The following TOR1A variants were observed in gnomAD, a reference collection of about 807,000 sequenced individuals.
TOR1A encodes torsin family 1 member A.
TOR1A carries 18 observed loss-of-function variants against 31.4 expected under a neutral mutation model. That is an observed-to-expected ratio of 0.57 (90% confidence interval 0.40 to 0.85). The LOEUF (loss-of-function observed/expected upper bound fraction) is 0.85. TOR1A is among the 40% of genes least tolerant of loss of function. The pLI, the probability that TOR1A is intolerant of heterozygous loss-of-function variation, is 0.00. For synonymous variants in TOR1A, 168 were observed against 165.9 expected, an observed-to-expected ratio of 1.01 and a Z score of -0.10; for missense variants, 375 against 416.4, an observed-to-expected ratio of 0.90 and a Z score of 0.87.
intron 4 of TOR1A, among the ~76,000 whole-genome samples, chr9:129,817,441 C>A (rs1366712033): frequency 1.3e-5 from 2 of 152,174 alleles, no homozygotes; most frequent in Non-Finnish European, 2.9e-5. Flanking sequence ...TGGCTCACGC[C>A]TGTAATCCCA....
chr9:129,814,688 AGAGGTCCT>A (rs1307263035), intron 4 of TOR1A, among the ~76,000 whole-genome samples: 2 of 151,514 alleles, frequency 1.3e-5, no homozygotes, highest in African/African-American at 4.9e-5. Context: ...AAGATGGGAA[AGAGGTCCT>A]GGGGCCCAGG....
rs2031216095 is a variant in TOR1A at position 129,822,736 on chromosome 9, T to A, written c.289A>T (p.Thr97Ser). The change falls in exon 2 of 5, where the codon ACG (threonine) becomes TCG (serine). Residue 97 changes from threonine to serine, a missense_variant. Coordinates refer to ENST00000351698, the MANE Select transcript of TOR1A (RefSeq NM_000113.3). Reference sequence around the variant, plus strand: ...CCTGTCCACCCGTGCAGGGAGAGCGTGAGAGGTTTCTTGGGCTTTGGGTTG... The same window carrying A: ...CCTGTCCACCCGTGCAGGGAGAGCGAGAGAGGTTTCTTGGGCTTTGGGTTG... ...INNPKPKKPL[T>S]LSLHGWTGTG... The A allele has an allele frequency of 3.1e-6, 5 of 1,614,068 alleles. No individual in the cohort carries two copies. Among genetic ancestry groups the A allele is most frequent in the Non-Finnish European group, 4.2e-6 (5 of 1,180,034 alleles).
rs1368336202 is a variant in TOR1A, at chr9:129,818,590, C to T, written c.678G>A (p.Lys226=). 1 of 1,614,238 alleles carries T rather than the reference C, an allele frequency of 6.2e-7. No homozygotes were observed. The highest frequency in any genetic ancestry group is 1.6e-4 in the Middle Eastern group (1 of 6,062). Reference sequence around the variant, plus strand: ...CTTTGAGCTTGATGTCTTCCCTCTGCTTTCCACTCCTCCAGAAATCCAAAG... The same window carrying T: ...CTTTGAGCTTGATGTCTTCCCTCTGTTTTCCACTCCTCCAGAAATCCAAAG... ...DVALDFWRSG[K]QREDIKLKDI... is the part of the protein sequence containing the mutation. The change falls in exon 4 of 5, where the codon AAG becomes AAA. Residue 226 remains lysine (K), a synonymous_variant. Coordinates refer to ENST00000351698, the MANE Select transcript of TOR1A (RefSeq NM_000113.3).
intron 4 of TOR1A, 146 bp from the exon 5 acceptor site, chr9:129,814,368 G>A (rs1392391120): frequency 1.5e-5 from 19 of 1,227,268 alleles, no homozygotes; most frequent in Non-Finnish European, 2.2e-5. Context: ...CCTACTGGGG[G>A]TCACCCACCC....
intron 2 of TOR1A, among the ~76,000 whole-genome samples, chr9:129,820,873 A>G (rs1397790981): frequency 6.6e-6 from 1 of 152,234 alleles, no homozygotes; most frequent in African/African-American, 2.4e-5. Flanking sequence ...TGCTAGAATT[A>G]TAGGCATGAG....
chr9:129,818,355 G>T, intron 4 of TOR1A, 165 bp downstream of exon 4: 1 of 1,036,620 alleles, frequency 9.6e-7, no homozygotes, highest in Non-Finnish European at 1.5e-6. Context: ...AAAGTTACCT[G>T]GAGTTCATCA....
Position 129,814,402 on chromosome 9 carries a change from T to C in TOR1A, c.749-180A>G, listed in dbSNP as rs1588214968. ...CCACCCCCCCCACATCTACTAGGGG[T>C]CACCCACCCTCCCATCCATCCCATA... On this transcript the variant is annotated intron_variant, in intron 4 of 4. Coordinates refer to ENST00000351698, the MANE Select transcript of TOR1A (RefSeq NM_000113.3). 7.0e-5 allele frequency among the ~76,000 whole-genome samples: 4 copies of C among 57,378 alleles called. 1 individual carries two copies. In the South Asian group the frequency reaches 2.9e-3, roughly 42 times the overall value. The allele number at this position is 57,378 out of a possible 152,430, so 37.6% of individuals were successfully genotyped here.
intron 4 of TOR1A, among the ~76,000 whole-genome samples, chr9:129,817,332 T>C (rs2031064541): frequency 6.6e-6 from 1 of 152,172 alleles, no homozygotes; most frequent in Admixed American, 6.5e-5. Flanking sequence ...TCTCTCCCCC[T>C]GAGCTGCCCA....
intron 4 of TOR1A, among the ~76,000 whole-genome samples, chr9:129,817,995 T>C (rs1383293972): frequency 2.0e-5 from 3 of 151,884 alleles, no homozygotes; most frequent in African/African-American, 7.3e-5. Context: ...CCAGCCTGGG[T>C]GACAGAGTGA....
intron 1 of TOR1A, among the ~76,000 whole-genome samples, 174 bp from the exon 2 acceptor site, chr9:129,823,020 G>A (rs1281091719): frequency 6.6e-6 from 1 of 152,190 alleles, no homozygotes; most frequent in Non-Finnish European, 1.5e-5. Flanking sequence ...GGTCCAGGGA[G>A]CCCTCCCTTT....
intron 1 of TOR1A, 79 bp downstream of exon 1, chr9:129,823,829 G>T: frequency 1.3e-6 from 2 of 1,492,300 alleles, no homozygotes; most frequent in Non-Finnish European, 1.8e-6. Flanking sequence ...CATTCTCCAT[G>T]CCCTGGTCCT....
intron 2 of TOR1A, among the ~76,000 whole-genome samples, chr9:129,821,128 C>A (rs988847545): frequency 1.3e-5 from 2 of 152,038 alleles, no homozygotes; most frequent in African/African-American, 4.8e-5. Context: ...CAAGGTGAAA[C>A]CCTGTCTCTA....
intron 2 of TOR1A, among the ~76,000 whole-genome samples, chr9:129,819,249 G>A (rs964176914): frequency 2.6e-5 from 4 of 152,160 alleles, no homozygotes; most frequent in South Asian, 2.1e-4. Flanking sequence ...GATGCCACAC[G>A]GATGCTGTCA....
chr9:129,822,451 A>G, intron 2 of TOR1A, 130 bp downstream of exon 2: 1 of 1,277,832 alleles, frequency 7.8e-7, no homozygotes, highest in Non-Finnish European at 1.1e-6. Flanking sequence ...CACCTTTCCA[A>G]GGGGAACTGA....
At chr9:129,823,041 C>T (rs2031227831) in intron 1 of TOR1A, among the ~76,000 whole-genome samples, 195 bp from the exon 2 acceptor site, 1 of 152,180 alleles carries the variant, frequency 6.6e-6, no homozygotes, top group South Asian at 2.1e-4. Flanking sequence ...GCTGGTCCTG[C>T]CTATTCTAAA....
Position 129,823,815 on chromosome 9 carries a change from CCTCCATT to C in TOR1A, c.178+86_178+92del, listed in dbSNP as rs2031253311. 8 of 1,448,698 alleles carry C rather than the reference CCTCCATT, an allele frequency of 5.5e-6. No homozygotes were observed. The Admixed American group carries it at 8.0e-5, about 15-fold the overall frequency. The allele number at this position is 1,448,698 out of a possible 1,614,324, so 89.7% of individuals were successfully genotyped here. ...CCTGGTGCCATCCCCCGGCCTCCAT[CCTCCATT>C]CTCCATGCCCTGGTCCTAGTTCAGC... is the stretch of plus-strand genomic sequence containing the variant. On this transcript the variant is annotated intron_variant, in intron 1 of 4. Transcript: ENST00000351698.
chr9:129,818,651 CA>C lies in TOR1A; in HGVS notation c.621-5del. On this transcript the variant is annotated splice_polypyrimidine_tract_variant and splice_region_variant and intron_variant, in intron 3 of 4. Coordinates refer to ENST00000351698, the MANE Select transcript of TOR1A (RefSeq NM_000113.3). ...GATCCTTTCTGCTCCAGCATTGCTG[CA>C]AAACAATCCCAGTGGGTAAGGACAG... The C allele has an allele frequency of 6.2e-7, 1 of 1,614,222 alleles. No homozygotes were observed. Among genetic ancestry groups the C allele is most frequent in the African/African-American group, 1.3e-5 (1 of 75,058 alleles).
chr9:129,814,161 G>A lies in TOR1A; in HGVS notation c.810C>T (p.Leu270=), dbSNP rs2030971841. Residue 270 remains leucine (L), a synonymous_variant, in exon 5 of 5, where the codon CTC becomes CTT. Transcript: ENST00000351698. ...RNLIDYFVPF[L]PLEYKHLKMC... ...TTTTTAGGTGTTTGTATTCCAGGGGGAGGAAGGGAACAAAATAATCAATGA... is the reference window on the plus strand; with the variant it reads ...TTTTTAGGTGTTTGTATTCCAGGGGAAGGAAGGGAACAAAATAATCAATGA... The A allele has an allele frequency of 1.2e-6, 2 of 1,614,030 alleles. No individual in the cohort carries two copies. The highest frequency in any genetic ancestry group is 1.3e-5 in the African/African-American group (1 of 74,890).
chr9:129,821,505 T>C (rs1056763068), intron 2 of TOR1A: 3 of 152,246 alleles, frequency 2.0e-5, no homozygotes, highest in Non-Finnish European at 4.4e-5. Context: ...GTCAGGCAAC[T>C]TTCCTAAGAC....
Sources: allele counts gnomAD v4.1 joint callset (sites outside exome capture counted in the v4.1 genomes callset), GRCh38; gene constraint gnomAD v4.1.1; transcripts MANE v1.5; gene names NCBI Gene and HGNC (gene_info 2026-07-23, HGNC 2026-07-21).